Variants in NDUFA7 observed in about 807,000 individuals in gnomAD.
NDUFA7 encodes the protein NADH:ubiquinone oxidoreductase subunit A7, also known as NADH dehydrogenase [ubiquinone] 1 alpha subcomplex subunit 7.
A neutral mutation model predicts 14.2 loss-of-function variants in NDUFA7; 18 were observed. The ratio of observed to expected loss-of-function variants is 1.27; its 90% CI spans 0.88 to 1.88. The LOEUF is 1.88. NDUFA7 is among the 40% of genes most tolerant of loss of function. The pLI, the probability that NDUFA7 is intolerant of heterozygous loss-of-function variation, is 0.00. For missense variants in NDUFA7, 172 were observed against 147.3 expected (o/e 1.17, Z -0.87); for synonymous variants, 75 against 62.1 (o/e 1.21, Z -0.98).
At chr19:8,320,989 C>G in intron 1 of NDUFA7, 83 bp from the exon 2 acceptor site, 1 of 1,492,254 alleles carries the variant, frequency 6.7e-7, no homozygotes, top group Non-Finnish European at 9.3e-7. Context: ...AGGGATGGTC[C>G]GGGGATGCGC....
chr19:8,318,800 G>A (rs987915423), intron 2 of NDUFA7, among the ~76,000 whole-genome samples: 1 of 150,204 alleles, frequency 6.7e-6, no homozygotes, highest in Non-Finnish European at 1.5e-5. Context: ...GTGAAACCCC[G>A]TCACTACTAA....
In NDUFA7 at chr19:8,320,869, T is replaced by A; in HGVS notation, c.89A>T (p.Glu30Val). 6.2e-7 allele frequency: 1 copy of A among 1,613,684 alleles called. No individual in the cohort carries two copies. The highest frequency in any genetic ancestry group is 8.5e-7 in the Non-Finnish European group (1 of 1,179,988). The change falls in exon 2 of 4, where the codon GAG becomes GTG. Residue 30 changes from glutamate (E) to valine (V), a missense_variant. Glu to Val is a moderately radical substitution (Grantham distance 121). Coordinates refer to ENST00000301457, the MANE Select transcript of NDUFA7 (RefSeq NM_005001.5). Reference protein sequence around the residue: ...LQGKLQLRYQEISKRTQPPPK... With the variant: ...LQGKLQLRYQVISKRTQPPPK... ...GGGGCCTGCTCACCGCTTGGAGATCTCCTGGTAGCGTAGCTGCAGCTTCCC... is the reference window on the plus strand; with the variant it reads ...GGGGCCTGCTCACCGCTTGGAGATCACCTGGTAGCGTAGCTGCAGCTTCCC...
chr19:8,311,714 G>T (rs1970180106), intron 3 of NDUFA7, 119 bp from the exon 4 acceptor site: 2 of 751,330 alleles, frequency 2.7e-6, no homozygotes, highest in South Asian at 3.6e-5. Flanking sequence ...CTGCAGGACA[G>T]ACAGCAGGGT....
At chr19:8,321,142 G>A (rs531544115) in intron 1 of NDUFA7, 166 bp downstream of exon 1, 13 of 984,268 alleles carry the variant, frequency 1.3e-5, no homozygotes, top group Non-Finnish European at 1.9e-5. Context: ...GTGGTTCCCA[G>A]GCCAGGAGAG....
Position 8,311,576 on chromosome 19 carries a change from C to G in NDUFA7, c.271G>C (p.Glu91Gln). The G allele has an allele frequency of 6.2e-7, 1 of 1,612,546 alleles. No individual in the cohort carries two copies. The highest frequency in any genetic ancestry group is 1.1e-5 in the South Asian group (1 of 90,908). ...PAESSAVAAT[E>Q]KKAVTPAPPI... ...GGAGCTGGAGTCACCGCCTTCTTCT[C>G]AGTGGCAGCTACAGCAGAGCTGGAG... Residue 91 changes from glutamate to glutamine, a missense_variant, in exon 4 of 4, where the codon GAG becomes CAG. Glu to Gln is a conservative substitution (Grantham distance 29, BLOSUM62 2). Transcript: ENST00000301457.
At chr19:8,313,342 T>C (rs948964630) in intron 3 of NDUFA7, among the ~76,000 whole-genome samples, 1 of 151,896 alleles carries the variant, frequency 6.6e-6, no homozygotes, top group Non-Finnish European at 1.5e-5. Context: ...ACCACTCTCC[T>C]GCCTCAGCCT....
At chr19:8,318,663 CAAAAAAAAAAAAAAAAA>C (rs35904087) in intron 2 of NDUFA7, among the ~76,000 whole-genome samples, 1,386 of 41,198 alleles carry the variant, frequency 0.034, 48 homozygotes, top group African/African-American at 0.11. Context: ...CCCAGTCTTA[CAAAAAAAAAAAAAAAAA>C]AAAAAAAAAA....
downstream of NDUFA7, among the ~76,000 whole-genome samples, chr19:8,309,652 AAGGTGTT>A (rs1970151503): frequency 6.6e-6 from 1 of 152,028 alleles, no homozygotes; most frequent in Admixed American, 6.6e-5. Flanking sequence ...CTTCTCCAGG[AAGGTGTT>A]AGCCTTTGTA....
At chr19:8,316,749 G>C in intron 2 of NDUFA7, 104 bp from the exon 3 acceptor site, 1 of 1,398,620 alleles carries the variant, frequency 7.1e-7, no homozygotes, top group Admixed American at 1.9e-5. Flanking sequence ...TCTACAGCCA[G>C]CCACTGGGAT....
intron 2 of NDUFA7, among the ~76,000 whole-genome samples, chr19:8,317,768 A>G (rs919871826): frequency 1.2e-4 from 19 of 152,134 alleles, no homozygotes; most frequent in Admixed American, 9.2e-4. Context: ...GGCTCAAGCA[A>G]TGCTCCCGCC....
At chr19:8,316,006 T>G (rs1055197520) in intron 3 of NDUFA7, among the ~76,000 whole-genome samples, 5 of 151,752 alleles carry the variant, frequency 3.3e-5, no homozygotes, top group African/African-American at 7.3e-5. Flanking sequence ...AAAAATTAGC[T>G]GGGTGTAGTG....
chr19:8,309,423 G>A (rs1188782889), downstream of NDUFA7, among the ~76,000 whole-genome samples: 3 of 151,552 alleles, frequency 2.0e-5, no homozygotes, highest in African/African-American at 7.3e-5. Context: ...GCAGTGCGCC[G>A]AGACCACATC....
intron 2 of NDUFA7, among the ~76,000 whole-genome samples, chr19:8,319,716 C>T (rs985538310): frequency 1.3e-5 from 2 of 152,048 alleles, no homozygotes; most frequent in Non-Finnish European, 2.9e-5. Context: ...CTCTGCCTAC[C>T]CTTTGACTTC....
intron 3 of NDUFA7, among the ~76,000 whole-genome samples, chr19:8,313,837 G>A (rs1343581049): frequency 3.3e-5 from 5 of 152,232 alleles, no homozygotes; most frequent in African/African-American, 7.2e-5. Context: ...GAGTTATTAG[G>A]AGGTAGGCAG....
chr19:8,316,098 G>A (rs1332094993), intron 3 of NDUFA7, among the ~76,000 whole-genome samples: 4 of 139,560 alleles, frequency 2.9e-5, no homozygotes, highest in South Asian at 2.3e-4. Context: ...GCAGTGAGCC[G>A]AGATCACACC....
intron 3 of NDUFA7, among the ~76,000 whole-genome samples, chr19:8,314,517 G>A (rs1462819574): frequency 6.6e-6 from 1 of 152,150 alleles, no homozygotes; most frequent in East Asian, 1.9e-4. Context: ...TGTAGTCCCA[G>A]CTACTCGGGA....
chr19:8,317,358 G>C (rs1171595511), intron 2 of NDUFA7, among the ~76,000 whole-genome samples: 1 of 152,160 alleles, frequency 6.6e-6, no homozygotes, highest in African/African-American at 2.4e-5. Context: ...CTTGAGGTCA[G>C]GTGTTCGAAA....
intron 3 of NDUFA7, among the ~76,000 whole-genome samples, chr19:8,312,539 G>A (rs1336521616): frequency 1.3e-5 from 2 of 152,098 alleles, no homozygotes; most frequent in Non-Finnish European, 2.9e-5. Context: ...GGTGTGCAGT[G>A]GCACAATCTC....
chr19:8,314,533 A>G (rs561563856), intron 3 of NDUFA7, among the ~76,000 whole-genome samples: 1 of 152,264 alleles, frequency 6.6e-6, no homozygotes, highest in Non-Finnish European at 1.5e-5. Flanking sequence ...CGGGAGGCCA[A>G]GGCAGGAGGA....
Sources: gnomAD v4.1 joint callset for allele counts (sites outside exome capture counted in the v4.1 genomes callset) on GRCh38, gnomAD v4.1.1 for gene constraint, MANE v1.5 for transcripts, NCBI Gene and HGNC (gene_info 2026-07-23, HGNC 2026-07-21) for gene names.